The following TM7SF3 variants were observed in gnomAD, a reference collection of about 807,000 sequenced individuals.
The protein encoded by TM7SF3 is seven span transmembrane protein.
Under a neutral mutation model 65.5 loss-of-function variants are expected in TM7SF3, and 60 were observed. The observed-to-expected ratio is 0.92, with a 90% CI of 0.74 to 1.14. The LOEUF (loss-of-function observed/expected upper bound fraction) is 1.14. Ranked by LOEUF, TM7SF3 falls within the 50% of genes most tolerant of loss-of-function variation. The probability of loss-of-function intolerance (pLI) is 0.00; values close to 1 mark genes in which losing one functional copy is unlikely to be tolerated. For missense variants in TM7SF3, 623 were observed against 684.8 expected, an observed-to-expected ratio of 0.91 and a Z score of 1.01; for synonymous variants, 264 against 259.6, an observed-to-expected ratio of 1.02 and a Z score of -0.16.
At position 26,990,603 on chromosome 12, in the gene TM7SF3, T is replaced by C; in HGVS notation, c.715A>G (p.Lys239Glu). 1 of 1,613,882 alleles carries C rather than the reference T, an allele frequency of 6.2e-7. No homozygotes were observed. Residue 239 changes from lysine to glutamate, a missense_variant, in exon 6 of 12, where the codon AAG (lysine) becomes GAG (glutamate). By Grantham distance (56) the Lys-to-Glu change is moderately conservative. Coordinates refer to ENST00000343028, the MANE Select transcript of TM7SF3 (RefSeq NM_016551.3). ...LKVVTLTANDKTSVSFSSLPG... is the reference protein window; with the variant it reads ...LKVVTLTANDETSVSFSSLPG... ...AGGGAGGAGAAGGAAACACTTGTCT[T>C]ATCATTAGCTGTTAGGGTAACCACC...
In TM7SF3 at chr12:26,995,220, A is replaced by T. The variant is rs751261859; in HGVS notation, c.690+17T>A. On this transcript the variant is annotated intron_variant, in intron 5 of 11. Coordinates refer to ENST00000343028, the MANE Select transcript of TM7SF3 (RefSeq NM_016551.3). The stretch of plus-strand genomic sequence containing the variant: ...GTGTCACAATCCAGCCACACAAATC[A>T]TGGGACTCAGATTTACCTTGAGAGC... The T allele has an allele frequency of 6.2e-7, 1 of 1,606,220 alleles. No individual in the cohort carries two copies. The highest frequency in any genetic ancestry group is 1.7e-5 in the Admixed American group (1 of 58,934).
At chr12:26,996,721 A>T (rs1940613101) in intron 4 of TM7SF3, 21 bp downstream of exon 4, 1 of 1,597,114 alleles carries the variant, frequency 6.3e-7, no homozygotes, top group South Asian at 1.1e-5. Flanking sequence ...AGCATTTCTC[A>T]GACATGGGAG....
chr12:27,009,097 T>C (rs1941150301), intron 1 of TM7SF3, among the ~76,000 whole-genome samples: 1 of 152,226 alleles, frequency 6.6e-6, no homozygotes, highest in Non-Finnish European at 1.5e-5. Flanking sequence ...TGTTTGCTTC[T>C]AGAGTCTCAA....
At chr12:27,011,673 C>T (rs561769384) in intron 1 of TM7SF3, among the ~76,000 whole-genome samples, 1 of 152,282 alleles carries the variant, frequency 6.6e-6, no homozygotes, top group East Asian at 1.9e-4. Context: ...GAACTATGTC[C>T]TTCTACCTTT....
At chr12:27,010,648 G>A (rs1329552845) in intron 1 of TM7SF3, among the ~76,000 whole-genome samples, 1 of 152,198 alleles carries the variant, frequency 6.6e-6, no homozygotes, top group African/African-American at 2.4e-5. Context: ...CTTATGACTT[G>A]CAGAGTAGGA....
chr12:26,996,913 A>G (rs1450817558), intron 3 of TM7SF3, 51 bp from the exon 4 acceptor site: 7 of 1,552,272 alleles, frequency 4.5e-6, no homozygotes, highest in African/African-American at 1.4e-5. Context: ...ACATATCCAA[A>G]TCATACTCAG....
Position 26,990,498 on chromosome 12 carries a change from T to C in TM7SF3, c.820A>G (p.Thr274Ala). The C allele has an allele frequency of 1.2e-6, 2 of 1,614,058 alleles. No homozygotes were observed. The highest frequency in any genetic ancestry group is 1.7e-6 in the Non-Finnish European group (2 of 1,179,946). The change falls in exon 6 of 12, where the codon ACA becomes GCA. Residue 274 changes from threonine (T) to alanine (A), a missense_variant. Coordinates refer to ENST00000343028, the MANE Select transcript of TM7SF3 (RefSeq NM_016551.3). The stretch of plus-strand genomic sequence containing the variant: ...CCTGCCTCAAAGCTGCAAGCGTATG[T>C]GTGAGCAGGAATGTAGGCAGCAGAT... ...NTSAAYIPAH[T>A]YACSFEAGEG...
At chr12:27,009,821 A>AG (rs760689761) in intron 1 of TM7SF3, among the ~76,000 whole-genome samples, 49 of 151,780 alleles carry the variant, frequency 3.2e-4, no homozygotes, top group Non-Finnish European at 6.5e-4. Context: ...TGTTTGATAA[A>AG]CAAGCAAAGG....
At chr12:27,009,318 C>T (rs1459880017) in intron 1 of TM7SF3, among the ~76,000 whole-genome samples, 2 of 152,096 alleles carry the variant, frequency 1.3e-5, no homozygotes, top group African/African-American at 4.8e-5. Flanking sequence ...ATTGGGATGG[C>T]CCTGAATATA....
intron 11 of TM7SF3, among the ~76,000 whole-genome samples, chr12:26,974,546 G>C (rs1334501102): frequency 6.6e-6 from 1 of 152,130 alleles, no homozygotes; most frequent in Non-Finnish European, 1.5e-5. Flanking sequence ...TTTTCAGAGG[G>C]GGTTCGGGGA....
chr12:26,979,737 TCAAA>T (rs751155707), intron 9 of TM7SF3, 43 bp downstream of exon 9: 35 of 1,602,052 alleles, frequency 2.2e-5, no homozygotes, highest in Non-Finnish European at 2.8e-5. Context: ...TAGGCAGTAT[TCAAA>T]CAGTCACTCG....
chr12:26,982,856 C>A lies in TM7SF3; in HGVS notation c.872G>T (p.Arg291Ile). ...AGTGAAGAACACTTTGGAAGACACT[C>A]TTCCTAAAAAATAATGAAAATTTAG... Reference protein sequence around the residue: ...AGEGSCASLGRVSSKVFFTLF... With the variant: ...AGEGSCASLGIVSSKVFFTLF... The change falls in exon 7 of 12, where the codon AGA (arginine) becomes ATA (isoleucine). Residue 291 changes from arginine to isoleucine, a missense_variant. By Grantham distance (97) the Arg-to-Ile change is moderately conservative. Transcript: ENST00000343028. 6.3e-7 allele frequency: 1 copy of A among 1,593,328 alleles called. No individual in the cohort carries two copies. Among genetic ancestry groups the A allele is most frequent in the Non-Finnish European group, 8.5e-7 (1 of 1,173,124 alleles).
chr12:26,994,054 T>G (rs2136420382), intron 5 of TM7SF3, among the ~76,000 whole-genome samples: 1 of 152,270 alleles, frequency 6.6e-6, no homozygotes, highest in East Asian at 1.9e-4. Context: ...CCCCACATTC[T>G]GGTACAAAAT....
At chr12:27,008,447 G>A (rs954606920) in intron 1 of TM7SF3, among the ~76,000 whole-genome samples, 3 of 152,052 alleles carry the variant, frequency 2.0e-5, no homozygotes, top group Non-Finnish European at 1.5e-5. Context: ...TGACAGATAC[G>A]TTGCGAATAT....
intron 2 of TM7SF3, among the ~76,000 whole-genome samples, chr12:27,001,110 A>T (rs1592307475): frequency 6.6e-6 from 1 of 152,248 alleles, no homozygotes; most frequent in Non-Finnish European, 1.5e-5. Context: ...CACGACTCAA[A>T]AAAAACAAAA....
intron 9 of TM7SF3, among the ~76,000 whole-genome samples, chr12:26,976,918 C>G (rs1202499972): frequency 1.3e-5 from 2 of 152,192 alleles, no homozygotes; most frequent in Non-Finnish European, 2.9e-5. Flanking sequence ...AGGAACCAAC[C>G]AACTATCTGC....
chr12:27,013,176 T>G (rs185183042), intron 1 of TM7SF3, among the ~76,000 whole-genome samples: 113 of 152,332 alleles, frequency 7.4e-4, no homozygotes, highest in Middle Eastern at 3.4e-3. Context: ...TTTTTACAGT[T>G]CATTTATGGA....
intron 7 of TM7SF3, among the ~76,000 whole-genome samples, chr12:26,981,346 A>G (rs1205371273): frequency 6.6e-6 from 1 of 152,170 alleles, no homozygotes; most frequent in African/African-American, 2.4e-5. Flanking sequence ...AAAAACCCAG[A>G]GTGAGGCATG....
intron 9 of TM7SF3, 182 bp downstream of exon 9, chr12:26,979,602 T>G: frequency 1.6e-6 from 1 of 624,668 alleles, no homozygotes; most frequent in Non-Finnish European, 2.8e-6. Flanking sequence ...TACTGTGCCT[T>G]TGAGGAAGGA....
Sources: gnomAD v4.1 joint callset for allele counts (sites outside exome capture counted in the v4.1 genomes callset) on GRCh38, gnomAD v4.1.1 for gene constraint, MANE v1.5 for transcripts, NCBI Gene and HGNC (gene_info 2026-07-23, HGNC 2026-07-21) for gene names.